SCTR: variants seen among roughly 807,000 people sequenced by gnomAD.
SCTR encodes the protein pancreatic secretin receptor.
A neutral mutation model predicts 60.8 loss-of-function variants in SCTR; 56 were observed. That is an observed-to-expected ratio of 0.92 (90% CI 0.74 to 1.15). SCTR has a LOEUF of 1.15. Among genes scored for constraint, SCTR ranks in the 50% most tolerant of loss-of-function variants. SCTR has a pLI of 0.00. For synonymous variants in SCTR, 202 were observed against 217.0 expected (o/e 0.93, Z 0.61); for missense variants, 562 against 550.4 (o/e 1.02, Z -0.21).
At chr2:119,458,926 C>T (rs1178045844) in intron 7 of SCTR, among the ~76,000 whole-genome samples, 4 of 152,204 alleles carry the variant, frequency 2.6e-5, no homozygotes, top group African/African-American at 4.8e-5. Context: ...CACTCTCACT[C>T]GCTGAGTGGC....
chr2:119,475,603 C>CATATAT (rs10643411), intron 3 of SCTR, among the ~76,000 whole-genome samples: 39 of 143,578 alleles, frequency 2.7e-4, no homozygotes, highest in African/African-American at 4.6e-4. Flanking sequence ...GATGTTTGTG[C>CATATAT]ATATATATAT....
chr2:119,477,076 TA>T (rs1677358861), intron 3 of SCTR: 1 of 152,196 alleles, frequency 6.6e-6, no homozygotes, highest in South Asian at 2.1e-4. Flanking sequence ...AGCACAGCCT[TA>T]CAGGGCAGGT....
At chr2:119,503,721 C>A (rs73951154) in intron 1 of SCTR, among the ~76,000 whole-genome samples, 1 of 151,904 alleles carries the variant, frequency 6.6e-6, no homozygotes, top group African/African-American at 2.4e-5. Context: ...ACTGTAATAG[C>A]GGATACATGT....
At chr2:119,470,739 C>T (rs867083596) in intron 4 of SCTR, among the ~76,000 whole-genome samples, 5 of 152,282 alleles carry the variant, frequency 3.3e-5, no homozygotes, top group African/African-American at 9.6e-5. Flanking sequence ...CTCGCTCTGT[C>T]GCCCAGGCTG....
chr2:119,461,911 T>C lies in SCTR; in HGVS notation c.726A>G (p.Thr242=), dbSNP rs1277225633. ...WLLVEGLYLH[T]LLAISFFSER... is the part of the protein sequence containing the mutation. ...CAGAGAAGAAGGAGATGGCGAGGAG[T>C]GTGTGAAGGTAGAGGCCTTCCACCA... Residue 242 remains threonine (T), a synonymous_variant, in exon 7 of 13, where the codon ACA becomes ACG. Coordinates refer to ENST00000019103, the MANE Select transcript of SCTR (RefSeq NM_002980.3). 6 of 1,613,234 alleles carry C rather than the reference T, an allele frequency of 3.7e-6. No homozygotes were observed. In the African/African-American group the frequency reaches 4.0e-5, roughly 11 times the overall value.
At chr2:119,510,259 C>G (rs1386584717) in intron 1 of SCTR, among the ~76,000 whole-genome samples, 1 of 151,994 alleles carries the variant, frequency 6.6e-6, no homozygotes, top group Non-Finnish European at 1.5e-5. Flanking sequence ...GCCCTTGATC[C>G]TTCCTCTAAA....
chr2:119,446,891 G>A lies in SCTR; in HGVS notation c.1014-6C>T, dbSNP rs374824856. On this transcript the variant is annotated splice_polypyrimidine_tract_variant and splice_region_variant and intron_variant, in intron 10 of 12. Transcript: ENST00000019103. ...GAGTGGACCTGGCCAGGCGCCTGGGGACACAGAAAGCCTGTAGCCTCCACT... is the reference window on the plus strand; with the variant it reads ...GAGTGGACCTGGCCAGGCGCCTGGGAACACAGAAAGCCTGTAGCCTCCACT... 5 of 1,506,876 alleles carry A rather than the reference G, an allele frequency of 3.3e-6. No homozygotes were observed. In the African/African-American group the frequency reaches 5.7e-5, roughly 17 times the overall value. The allele number at this position is 1,506,876 out of a possible 1,614,324, so 93.3% of individuals were successfully genotyped here. A position where few individuals can be genotyped will look rare whatever the true frequency, so the allele number is the denominator to read the frequency against.
intron 1 of SCTR, among the ~76,000 whole-genome samples, chr2:119,504,321 A>G (rs1022674614): frequency 1.3e-5 from 2 of 152,174 alleles, no homozygotes; most frequent in Non-Finnish European, 2.9e-5. Context: ...GCTCAGCTGC[A>G]GTGGTGCATG....
At chr2:119,443,745 T>C (rs148550471) in intron 11 of SCTR, among the ~76,000 whole-genome samples, 2,768 of 152,226 alleles carry the variant, frequency 0.018, 77 homozygotes, top group African/African-American at 0.064. Flanking sequence ...CAGGCTTTCA[T>C]CATGTTGCCC....
intron 1 of SCTR, 108 bp from the exon 2 acceptor site, chr2:119,494,656 A>G: frequency 2.5e-6 from 3 of 1,202,564 alleles, no homozygotes; most frequent in Non-Finnish European, 3.5e-6. Context: ...CAAGTAAAGC[A>G]AAGCCCTTGC....
At chr2:119,517,055 A>C (rs371811874) in intron 1 of SCTR, among the ~76,000 whole-genome samples, 6 of 152,160 alleles carry the variant, frequency 3.9e-5, no homozygotes, top group African/African-American at 1.2e-4. Flanking sequence ...CCACACACAC[A>C]CACACATGCA....
chr2:119,468,743 G>T (rs1022492134), intron 4 of SCTR, among the ~76,000 whole-genome samples: 7 of 152,180 alleles, frequency 4.6e-5, no homozygotes, highest in African/African-American at 1.4e-4. Flanking sequence ...TGTTTGGAGA[G>T]GCTAGGCATG....
At chr2:119,484,005 T>A (rs1454357197) in intron 2 of SCTR, among the ~76,000 whole-genome samples, 1 of 152,130 alleles carries the variant, frequency 6.6e-6, no homozygotes, top group Admixed American at 6.5e-5. Flanking sequence ...TTCGGATACC[T>A]GTCCTGGCTC....
chr2:119,456,939 T>C (rs1683397562), intron 7 of SCTR, among the ~76,000 whole-genome samples: 1 of 151,812 alleles, frequency 6.6e-6, no homozygotes. Flanking sequence ...CACCAGAAGG[T>C]AGGAAAGAGA....
intron 7 of SCTR, among the ~76,000 whole-genome samples, chr2:119,460,379 G>T (rs2104795124): frequency 6.6e-6 from 1 of 152,116 alleles, no homozygotes; most frequent in Middle Eastern, 3.4e-3. Flanking sequence ...GCAACTAATG[G>T]ATGAATGGAT....
chr2:119,474,228 C>A (rs539975843), intron 3 of SCTR, among the ~76,000 whole-genome samples: 71 of 152,234 alleles, frequency 4.7e-4, no homozygotes, highest in Non-Finnish European at 9.0e-4. Flanking sequence ...CTCCCCAGTG[C>A]CTGGCCCAGA....
intron 1 of SCTR, among the ~76,000 whole-genome samples, chr2:119,498,018 T>C (rs1410299750): frequency 6.6e-6 from 1 of 152,080 alleles, no homozygotes; most frequent in Admixed American, 6.6e-5. Context: ...GACATACACT[T>C]GTAGACTGAA....
chr2:119,465,944 T>C, intron 4 of SCTR, 58 bp from the exon 5 acceptor site: 1 of 1,232,500 alleles, frequency 8.1e-7, no homozygotes, highest in Non-Finnish European at 1.2e-6. Flanking sequence ...CTGCCTTCTG[T>C]GCCTCACTGC....
intron 4 of SCTR, among the ~76,000 whole-genome samples, chr2:119,470,499 A>G (rs1053091674): frequency 6.6e-6 from 1 of 152,154 alleles, no homozygotes; most frequent in Non-Finnish European, 1.5e-5. Flanking sequence ...TGCAAGCTGA[A>G]GCCAAGCTAG....
Sources: allele counts gnomAD v4.1 joint callset (sites outside exome capture counted in the v4.1 genomes callset), GRCh38; gene constraint gnomAD v4.1.1; transcripts MANE v1.5; gene names NCBI Gene and HGNC (gene_info 2026-07-23, HGNC 2026-07-21).